The following CNOT1 variants were observed in gnomAD, a reference collection of about 807,000 sequenced individuals.
The protein encoded by CNOT1 is CCR4-associated factor 1.
In CNOT1, 15 loss-of-function variants were observed where a neutral mutation model predicts 273.8. The ratio of observed to expected loss-of-function variants is 0.05; its 90% CI spans 0.04 to 0.08. The LOEUF is 0.08. Among genes scored for constraint, CNOT1 ranks in the 10% least tolerant of loss-of-function variants. The pLI is 1.00. For missense variants in CNOT1, 1,644 were observed against 2,912.2 expected (o/e 0.56, Z 10.02); for synonymous variants, 1,022 against 1,005.5 (o/e 1.02, Z -0.31).
chr16:58,542,251 G>A lies in CNOT1; in HGVS notation c.4660C>T (p.Pro1554Ser). The A allele has an allele frequency of 1.2e-6, 2 of 1,614,086 alleles. No homozygotes were observed. Among genetic ancestry groups the A allele is most frequent in the South Asian group, 1.1e-5 (1 of 91,072 alleles). ...VVLTYQAERM[P>S]EQIRLKVGGV... Reference sequence around the variant, plus strand: ...CTCACTTTCAGCCTGATTTGCTCTGGCATCCGTTCAGCTTGATATGTTAAA... The same window carrying A: ...CTCACTTTCAGCCTGATTTGCTCTGACATCCGTTCAGCTTGATATGTTAAA... The change falls in exon 33 of 49, where the codon CCA becomes TCA. Residue 1554 changes from proline (P) to serine (S), a missense_variant. This residue lies in a region of CNOT1 where 3 missense variants were observed against 35.1 expected (regional missense o/e 0.09). Transcript: ENST00000317147.
intron 18 of CNOT1, 76 bp from the exon 19 acceptor site, chr16:58,557,069 A>T: frequency 6.6e-7 from 1 of 1,515,854 alleles, no homozygotes; most frequent in Non-Finnish European, 8.8e-7. Context: ...AGATATATTA[A>T]TAAGACAGAC....
chr16:58,550,005 T>C, intron 24 of CNOT1, 107 bp from the exon 25 acceptor site: 1 of 1,496,376 alleles, frequency 6.7e-7, no homozygotes, highest in Non-Finnish European at 8.9e-7. Flanking sequence ...CAAAACTAAC[T>C]AGATGCTAAA....
chr16:58,579,665 T>C (rs1187458224), intron 12 of CNOT1, among the ~76,000 whole-genome samples: 1 of 152,060 alleles, frequency 6.6e-6, no homozygotes, highest in Non-Finnish European at 1.5e-5. Flanking sequence ...AGGGTATAGA[T>C]AGAAAAAAAT....
At chr16:58,606,876 TTAAAA>T (rs1378882902) in intron 1 of CNOT1, among the ~76,000 whole-genome samples, 3 of 151,994 alleles carry the variant, frequency 2.0e-5, no homozygotes, top group Non-Finnish European at 4.4e-5. Flanking sequence ...TAATATCCAA[TTAAAA>T]TATAGTTTTG....
chr16:58,590,471 A>G (rs1281246598), intron 2 of CNOT1, among the ~76,000 whole-genome samples: 1 of 152,212 alleles, frequency 6.6e-6, no homozygotes, highest in East Asian at 1.9e-4. Context: ...ATATACACCT[A>G]TAATTTCCAG....
At chr16:58,625,536 T>A (rs536552171) in intron 1 of CNOT1, among the ~76,000 whole-genome samples, 9 of 150,086 alleles carry the variant, frequency 6.0e-5, no homozygotes, top group African/African-American at 2.0e-4. Context: ...TATATAAAAT[T>A]AGCCAGGCAT....
At chr16:58,589,725 G>T (rs112463412) in intron 2 of CNOT1, among the ~76,000 whole-genome samples, 1 of 152,086 alleles carries the variant, frequency 6.6e-6, no homozygotes, top group African/African-American at 2.4e-5. Context: ...GTAATGCTAC[G>T]TGGCACAGCC....
chr16:58,537,780 G>A (rs2039969825), intron 38 of CNOT1, 111 bp downstream of exon 38: 11 of 1,397,288 alleles, frequency 7.9e-6, no homozygotes, highest in Admixed American at 2.1e-5. Context: ...CCACCCATAT[G>A]TGGTTGGTAA....
chr16:58,556,583 G>A (rs900856343), intron 19 of CNOT1, among the ~76,000 whole-genome samples: 2 of 152,034 alleles, frequency 1.3e-5, no homozygotes, highest in African/African-American at 4.8e-5. Flanking sequence ...AGTTACATTC[G>A]TATATCTACC....
chr16:58,605,330 C>A (rs958717269), intron 1 of CNOT1, among the ~76,000 whole-genome samples: 5 of 151,934 alleles, frequency 3.3e-5, no homozygotes, highest in African/African-American at 1.2e-4. Flanking sequence ...TGGTGAAACC[C>A]TACCTCTACT....
chr16:58,597,429 C>T (rs75546242), intron 2 of CNOT1, among the ~76,000 whole-genome samples: 6,601 of 151,694 alleles, frequency 0.044, 417 homozygotes, highest in East Asian at 0.26. Flanking sequence ...GAGCTGAGAT[C>T]GCGCCACGGT....
At chr16:58,598,397 C>CA (rs869048108) in intron 2 of CNOT1, among the ~76,000 whole-genome samples, 4,793 of 86,122 alleles carry the variant, frequency 0.056, 271 homozygotes, top group East Asian at 0.32. Context: ...GACTCCATCT[C>CA]AAAAAAAAAA....
intron 16 of CNOT1, among the ~76,000 whole-genome samples, chr16:58,560,702 A>G (rs1222178070): frequency 6.6e-6 from 1 of 152,080 alleles, no homozygotes; most frequent in East Asian, 1.9e-4. Context: ...AGATAGCGAG[A>G]CCCCATGTCT....
rs921269256 is a variant in CNOT1, at chr16:58,552,236, GA to G, written c.2971-418del. ...ATTATCACAATAAAGCTGTTATTAC[GA>G]AAAAAAAAAAACTCACTTTACATAG... On this transcript the variant is annotated intron_variant, in intron 22 of 48. Transcript: ENST00000317147. Among the ~76,000 whole-genome samples the G allele has an allele frequency of 4.1e-3, 574 of 141,408 alleles. 4 individuals are homozygous for G. The highest frequency in any genetic ancestry group is 0.013 in the African/African-American group (499 of 38,818). 92.8% of individuals were successfully genotyped at this position (141,408 alleles called of 152,430 possible). A position where few individuals can be genotyped will look rare whatever the true frequency, so the allele number is the denominator to read the frequency against.
chr16:58,588,386 A>G (rs1162282978), intron 3 of CNOT1, among the ~76,000 whole-genome samples: 1 of 152,226 alleles, frequency 6.6e-6, no homozygotes, highest in Non-Finnish European at 1.5e-5. Flanking sequence ...TACACTACTC[A>G]AAGTCTATTA....
At chr16:58,532,523 C>T (rs1005569174) in intron 40 of CNOT1, 128 bp from the exon 41 acceptor site, 2 of 1,421,474 alleles carry the variant, frequency 1.4e-6, no homozygotes, top group East Asian at 2.5e-5. Flanking sequence ...AATTTGAATA[C>T]AAAATTACAT....
intron 21 of CNOT1, 143 bp downstream of exon 21, chr16:58,555,108 T>C: frequency 8.3e-7 from 1 of 1,211,986 alleles, no homozygotes; most frequent in Non-Finnish European, 1.1e-6. Context: ...CTCAGGAGGC[T>C]GAAGTGGGAG....
intron 16 of CNOT1, among the ~76,000 whole-genome samples, chr16:58,566,783 G>A (rs995048024): frequency 1.1e-4 from 16 of 152,048 alleles, no homozygotes; most frequent in Non-Finnish European, 2.4e-4. Context: ...ACAGGCATGC[G>A]CCACCACGCC....
intron 13 of CNOT1, 50 bp from the exon 14 acceptor site, chr16:58,576,632 A>G: frequency 6.2e-7 from 1 of 1,609,254 alleles, no homozygotes; most frequent in Non-Finnish European, 8.5e-7. Context: ...ACACTGTGAT[A>G]GATATTATTA....
Sources: allele counts gnomAD v4.1 joint callset (sites outside exome capture counted in the v4.1 genomes callset), GRCh38; gene constraint gnomAD v4.1.1; regional missense constraint gnomAD v4.1.1; transcripts MANE v1.5; gene names NCBI Gene and HGNC (gene_info 2026-07-23, HGNC 2026-07-21).